Variants in PPARGC1A observed in about 807,000 individuals in gnomAD.
The protein encoded by PPARGC1A is peroxisome proliferator-activated receptor gamma coactivator 1-alpha.
Under a neutral mutation model 88.7 loss-of-function variants are expected in PPARGC1A, and 25 were observed. That is an observed-to-expected ratio of 0.28 (90% CI 0.21 to 0.39). The LOEUF (loss-of-function observed/expected upper bound fraction) is 0.39, where lower values mean the gene tolerates loss of function less well. Among genes scored for constraint, PPARGC1A ranks in the 10% least tolerant of loss-of-function variants. The probability of loss-of-function intolerance (pLI) is 1.00; values close to 1 mark genes in which losing one functional copy is unlikely to be tolerated. For synonymous variants in PPARGC1A, 363 were observed against 355.6 expected (o/e 1.02, Z -0.24); for missense variants, 880 against 968.7 (o/e 0.91, Z 1.22).
chr4:24,018,939 A>G, the PPARGC1A span, among the ~76,000 whole-genome samples: 1 of 152,366 alleles, frequency 6.6e-6, no homozygotes, highest in Middle Eastern at 3.4e-3. Context: ...TTGTATTTCC[A>G]TATACCAGGG....
chr4:24,072,267 G>A, the PPARGC1A span, among the ~76,000 whole-genome samples: 2 of 150,884 alleles, frequency 1.3e-5, no homozygotes, highest in African/African-American at 4.9e-5. Context: ...CCATTTAAAT[G>A]TTATTTAATT....
chr4:24,201,190 A>T, the PPARGC1A span, among the ~76,000 whole-genome samples: 3 of 152,376 alleles, frequency 2.0e-5, no homozygotes, highest in Non-Finnish European at 4.4e-5. Context: ...TGTGGCCAGT[A>T]TCACTGTAAA....
At chr4:23,989,971 A>G in the PPARGC1A span, among the ~76,000 whole-genome samples, 1 of 147,788 alleles carries the variant, frequency 6.8e-6, no homozygotes. Context: ...ATTTCTAGGG[A>G]TATATATACA....
At chr4:23,814,823 T>C (rs1037162700) in intron 7 of PPARGC1A, among the ~76,000 whole-genome samples, 1 of 152,096 alleles carries the variant, frequency 6.6e-6, no homozygotes, top group Admixed American at 6.5e-5. Context: ...TCTACAGTGC[T>C]GAGCAGGAGG....
intron 2 of PPARGC1A, among the ~76,000 whole-genome samples, chr4:23,878,502 A>G (rs13116066): frequency 1.3e-5 from 2 of 152,114 alleles, no homozygotes; most frequent in African/African-American, 4.8e-5. Flanking sequence ...ATACCAAGAG[A>G]CAGAGCCCTG....
At chr4:24,283,592 G>A in the PPARGC1A span, among the ~76,000 whole-genome samples, 2 of 152,168 alleles carry the variant, frequency 1.3e-5, no homozygotes, top group African/African-American at 4.8e-5. Flanking sequence ...TAGAAAGAAT[G>A]ATAACAACCA....
the PPARGC1A span, among the ~76,000 whole-genome samples, chr4:24,029,207 G>C: frequency 6.6e-6 from 1 of 152,298 alleles, no homozygotes; most frequent in Middle Eastern, 3.4e-3. Context: ...CAGAGCTCTG[G>C]TTCATGATCT....
chr4:23,938,909 T>C, the PPARGC1A span, among the ~76,000 whole-genome samples: 1 of 152,300 alleles, frequency 6.6e-6, no homozygotes, highest in Non-Finnish European at 1.5e-5. Context: ...GGTGGCCATA[T>C]GGCATCATGT....
chr4:24,037,900 T>G, the PPARGC1A span, among the ~76,000 whole-genome samples: 33,524 of 152,108 alleles, frequency 0.22, 4,099 homozygotes, highest in Admixed American at 0.36. Context: ...AGAGCTTAGC[T>G]TGGTGCCTGA....
upstream of PPARGC1A, among the ~76,000 whole-genome samples, chr4:23,906,324 G>A (rs1231937011): frequency 6.6e-6 from 1 of 151,778 alleles, no homozygotes; most frequent in African/African-American, 2.4e-5. Context: ...TTATAAAGAT[G>A]TTTTCCAGCC....
At chr4:24,003,926 C>T in the PPARGC1A span, among the ~76,000 whole-genome samples, 2 of 150,906 alleles carry the variant, frequency 1.3e-5, no homozygotes, top group Non-Finnish European at 2.9e-5. Context: ...AATGGTAAGG[C>T]AAAATCTAAA....
At chr4:24,146,682 G>A in the PPARGC1A span, among the ~76,000 whole-genome samples, 1 of 152,134 alleles carries the variant, frequency 6.6e-6, no homozygotes, top group Admixed American at 6.5e-5. Flanking sequence ...TCAATATGAT[G>A]GCCAACACCA....
At chr4:24,195,695 T>C in the PPARGC1A span, among the ~76,000 whole-genome samples, 3 of 152,340 alleles carry the variant, frequency 2.0e-5, no homozygotes, top group East Asian at 5.8e-4. Flanking sequence ...TTTTTCTCTG[T>C]ATTTTCAATT....
chr4:24,462,253 ATTT>A, the PPARGC1A span, among the ~76,000 whole-genome samples: 1 of 143,382 alleles, frequency 7.0e-6, no homozygotes, highest in Non-Finnish European at 1.5e-5. Flanking sequence ...ACCCGGCTAA[ATTT>A]TTTTTTTTTT....
chr4:24,082,348 G>C, the PPARGC1A span, among the ~76,000 whole-genome samples: 1 of 152,100 alleles, frequency 6.6e-6, no homozygotes, highest in Non-Finnish European at 1.5e-5. Context: ...AGGCTTTAGA[G>C]AGAGGTGCCA....
chr4:24,229,843 CAAAAAAA>C, the PPARGC1A span, among the ~76,000 whole-genome samples: 1 of 130,858 alleles, frequency 7.6e-6, no homozygotes, highest in South Asian at 2.5e-4. Context: ...AAAACTGTCT[CAAAAAAA>C]AAAAAAAAAA....
the PPARGC1A span, among the ~76,000 whole-genome samples, chr4:24,333,832 G>A: frequency 6.7e-6 from 1 of 149,964 alleles, no homozygotes; most frequent in South Asian, 2.1e-4. Context: ...TACTCAGGAG[G>A]TTGAGGCAGG....
chr4:23,857,681 T>C (rs748388210), intron 2 of PPARGC1A, among the ~76,000 whole-genome samples: 6 of 151,712 alleles, frequency 4.0e-5, no homozygotes, highest in Non-Finnish European at 8.8e-5. Flanking sequence ...CACCACACTT[T>C]CCTTTCACAG....
At chr4:23,870,123 T>C (rs1480045185) in intron 2 of PPARGC1A, among the ~76,000 whole-genome samples, 3 of 152,210 alleles carry the variant, frequency 2.0e-5, no homozygotes, top group Non-Finnish European at 4.4e-5. Flanking sequence ...ATCTGTTAGA[T>C]CTAAAACTAC....
Sources: allele counts gnomAD v4.1 joint callset (sites outside exome capture counted in the v4.1 genomes callset), GRCh38; gene constraint gnomAD v4.1.1; transcripts MANE v1.5; gene names NCBI Gene and HGNC (gene_info 2026-07-23, HGNC 2026-07-21).